Variants in RB1 observed in about 807,000 individuals in gnomAD.
RB1 encodes RB transcriptional corepressor 1.
A neutral mutation model predicts 135.4 loss-of-function variants in RB1; 18 were observed. The ratio of observed to expected loss-of-function variants is 0.13; its 90% CI spans 0.09 to 0.20. RB1 has a LOEUF of 0.20. Ranked by LOEUF, RB1 falls within the 10% of genes least tolerant of loss-of-function variation. RB1 has a pLI of 1.00. For missense variants in RB1, 868 were observed against 1,110.0 expected, an observed-to-expected ratio of 0.78 and a Z score of 3.10; for synonymous variants, 365 against 373.2, an observed-to-expected ratio of 0.98 and a Z score of 0.25.
At chr13:48,434,833 G>T (rs1444698089) in intron 17 of RB1, among the ~76,000 whole-genome samples, 1 of 152,010 alleles carries the variant, frequency 6.6e-6, no homozygotes, top group Non-Finnish European at 1.5e-5. Flanking sequence ...AACAGGATTA[G>T]TTTTTTTTCT....
At chr13:48,476,945 A>G (rs962160602) in intron 25 of RB1, 102 bp downstream of exon 25, 4 of 1,449,300 alleles carry the variant, frequency 2.8e-6, no homozygotes, top group Non-Finnish European at 3.9e-6. Context: ...TTTCATGCCA[A>G]GTTTATTTGG....
At chr13:48,412,076 C>T (rs780960869) in intron 17 of RB1, 11 of 1,474,446 alleles carry the variant, frequency 7.5e-6, no homozygotes, top group South Asian at 1.4e-5. Flanking sequence ...AGACAATTGC[C>T]AGAAATCGAT....
chr13:48,424,024 C>T (rs1949045523), intron 17 of RB1: 1 of 152,556 alleles, frequency 6.6e-6, no homozygotes, highest in African/African-American at 2.4e-5. Context: ...AAATGTTTGC[C>T]ATGGTGAAAT....
chr13:48,341,339 T>A (rs1457517214), intron 2 of RB1: 2 of 152,146 alleles, frequency 1.3e-5, no homozygotes, highest in East Asian at 3.9e-4. Flanking sequence ...TTTTTTATAT[T>A]TGGGTTGTTT....
rs762953095 is a variant in RB1 at position 48,342,720 on chromosome 13, G to C, written c.380+6G>C. The C allele has an allele frequency of 6.4e-7, 1 of 1,563,124 alleles. No individual in the cohort carries two copies. The highest frequency in any genetic ancestry group is 2.2e-5 in the East Asian group (1 of 44,530). On this transcript the variant is annotated splice_donor_region_variant and intron_variant, in intron 3 of 26. Transcript: ENST00000267163. Reference sequence around the variant, plus strand: ...CAGAAAAACATAGAAATCAGGTAAAGTTTCTTGTATAAATATAAGCCTCTG... The same window carrying C: ...CAGAAAAACATAGAAATCAGGTAAACTTTCTTGTATAAATATAAGCCTCTG...
At chr13:48,323,385 G>A (rs189431287) in intron 2 of RB1, among the ~76,000 whole-genome samples, 46 of 151,620 alleles carry the variant, frequency 3.0e-4, no homozygotes, top group Admixed American at 2.6e-3. Context: ...TTTCATTCCC[G>A]ATTTTGGTTA....
chr13:48,343,859 G>C (rs928760633), intron 3 of RB1, among the ~76,000 whole-genome samples: 1 of 151,848 alleles, frequency 6.6e-6, no homozygotes, highest in Admixed American at 6.6e-5. Flanking sequence ...TTTTCACATA[G>C]CTTGTCATGG....
chr13:48,442,374 G>T (rs198570), intron 17 of RB1, among the ~76,000 whole-genome samples: 33,091 of 151,950 alleles, frequency 0.22, 3,761 homozygotes, highest in South Asian at 0.27. Flanking sequence ...CTAATTTTTT[G>T]TATTTTTTGT....
At chr13:48,366,947 C>A (rs1004478075) in intron 9 of RB1, among the ~76,000 whole-genome samples, 1 of 151,894 alleles carries the variant, frequency 6.6e-6, no homozygotes, top group Non-Finnish European at 1.5e-5. Context: ...GGCGAAACCC[C>A]GTCTCTACTA....
At chr13:48,311,236 A>G (rs1952127416) in intron 2 of RB1, among the ~76,000 whole-genome samples, 2 of 152,244 alleles carry the variant, frequency 1.3e-5, no homozygotes, top group South Asian at 2.1e-4. Flanking sequence ...TATGAAATGT[A>G]TGATATACAT....
chr13:48,317,431 G>A, intron 2 of RB1: 1 of 389,630 alleles, frequency 2.6e-6, no homozygotes, highest in South Asian at 3.0e-5. Flanking sequence ...GGTGTGGTCA[G>A]CCTGGGCTCC....
intron 17 of RB1, among the ~76,000 whole-genome samples, chr13:48,449,972 T>G (rs1431440344): frequency 6.6e-6 from 1 of 152,170 alleles, no homozygotes; most frequent in Non-Finnish European, 1.5e-5. Flanking sequence ...GAGTTGTTTG[T>G]TTTTTTCTTG....
At chr13:48,442,712 G>A (rs942167770) in intron 17 of RB1, among the ~76,000 whole-genome samples, 7 of 152,104 alleles carry the variant, frequency 4.6e-5, no homozygotes, top group East Asian at 1.9e-4. Flanking sequence ...CTCCCTTGGA[G>A]CTGCCTCCCA....
rs1952212248 is a variant in RB1, at chr13:48,319,095, T to C, written c.264+11689T>C. The C allele has an allele frequency of 1.6e-6, 1 of 614,336 alleles. No homozygotes were observed. The highest frequency in any genetic ancestry group is 1.8e-5 in the African/African-American group (1 of 54,286). The allele number at this position is 614,336 out of a possible 1,614,324, so 38.1% of individuals were successfully genotyped here. A position where few individuals can be genotyped will look rare whatever the true frequency, so the allele number is the denominator to read the frequency against. ...CACGAGGACCGTTCTACAAACTCGTTCCTGGAAGCCGGGCTCGCTGGAGGC... is the reference window on the plus strand; with the variant it reads ...CACGAGGACCGTTCTACAAACTCGTCCCTGGAAGCCGGGCTCGCTGGAGGC... On this transcript the variant is annotated intron_variant, in intron 2 of 26. Coordinates refer to ENST00000267163, the MANE Select transcript of RB1 (RefSeq NM_000321.3). This position sits in a 1 kb window ranked among gnomAD's most constrained non-coding sequence, Gnocchi z 5.0.
At chr13:48,318,233 T>G in intron 2 of RB1, 1 of 666,742 alleles carries the variant, frequency 1.5e-6, no homozygotes, top group Non-Finnish European at 2.5e-6. Flanking sequence ...ACTTGGAGAG[T>G]CAGCTATTAA....
intron 8 of RB1, 36 bp from the exon 9 acceptor site, chr13:48,364,858 A>T (rs527970162): frequency 6.5e-7 from 1 of 1,542,420 alleles, no homozygotes; most frequent in African/African-American, 1.4e-5. Context: ...TTTGTTTTAA[A>T]TTTTAATGAT....
intron 19 of RB1, 105 bp downstream of exon 19, chr13:48,456,454 A>C: frequency 6.9e-7 from 1 of 1,440,642 alleles, no homozygotes; most frequent in Non-Finnish European, 9.5e-7. Flanking sequence ...CAAGTCACTT[A>C]ATATCTCTGT....
At chr13:48,429,553 A>G (rs1246848229) in intron 17 of RB1, 3 of 152,044 alleles carry the variant, frequency 2.0e-5, no homozygotes, top group Non-Finnish European at 4.4e-5. Flanking sequence ...AACCCACATT[A>G]TTGGTGTGGT....
At chr13:48,333,775 T>G (rs1184993120) in intron 2 of RB1, among the ~76,000 whole-genome samples, 1 of 150,900 alleles carries the variant, frequency 6.6e-6, no homozygotes, top group Non-Finnish European at 1.5e-5. Flanking sequence ...CTGTAGCTAC[T>G]GCCACAACTT....
Sources: gnomAD v4.1 joint callset for allele counts (sites outside exome capture counted in the v4.1 genomes callset) on GRCh38, gnomAD v4.1.1 for gene constraint, Gnocchi (gnomAD v3.1) non-coding constraint, MANE v1.5 for transcripts, NCBI Gene and HGNC (gene_info 2026-07-23, HGNC 2026-07-21) for gene names.